CAST: variants seen among roughly 807,000 people sequenced by gnomAD.
CAST encodes calpastatin.
CAST carries 76 observed loss-of-function variants against 119.6 expected under a neutral mutation model. That is an observed-to-expected ratio of 0.64 (90% CI 0.53 to 0.77). The LOEUF is 0.77. CAST is among the 30% of genes least tolerant of loss of function. CAST has a pLI of 0.00. For missense variants in CAST, 953 were observed against 946.5 expected, an observed-to-expected ratio of 1.01 and a Z score of -0.09; for synonymous variants, 319 against 331.6, an observed-to-expected ratio of 0.96 and a Z score of 0.41.
At chr5:96,272,104 G>A in the CAST span, among the ~76,000 whole-genome samples, 1 of 151,890 alleles carries the variant, frequency 6.6e-6, no homozygotes, top group Non-Finnish European at 1.5e-5. Flanking sequence ...TAAAAAAGGG[G>A]GATAACGAAT....
chr5:96,621,051 A>C (rs1332126200), intron 1 of CAST, among the ~76,000 whole-genome samples: 1 of 152,136 alleles, frequency 6.6e-6, no homozygotes, highest in Admixed American at 6.5e-5. Context: ...CCCCTCCTTC[A>C]ACCTCCTCAC....
chr5:96,400,142 G>C, the CAST span: 1 of 1,614,168 alleles, frequency 6.2e-7, no homozygotes, highest in Non-Finnish European at 8.5e-7. Flanking sequence ...ATACTCAGAG[G>C]TCCAGACAAC....
At chr5:96,412,567 A>G in the CAST span, 3 of 1,319,670 alleles carry the variant, frequency 2.3e-6, no homozygotes, top group African/African-American at 2.9e-5. Flanking sequence ...TACTCTTACT[A>G]TTTGTATTTT....
chr5:96,599,499 G>A (rs538821627), intron 1 of CAST, among the ~76,000 whole-genome samples: 2 of 152,184 alleles, frequency 1.3e-5, no homozygotes, highest in African/African-American at 4.8e-5. Context: ...AATCTAATAA[G>A]AACCTGGAAG....
chr5:96,702,792 G>A (rs1382224283), intron 3 of CAST: 7 of 985,358 alleles, frequency 7.1e-6, no homozygotes, highest in Non-Finnish European at 8.4e-6. Flanking sequence ...GGACCGCCCC[G>A]CCCCGTCGCA....
the CAST span, among the ~76,000 whole-genome samples, chr5:96,088,905 A>C: frequency 1.3e-5 from 2 of 152,032 alleles, no homozygotes; most frequent in African/African-American, 4.8e-5. Flanking sequence ...TGGGATACCC[A>C]GGGGTGACTC....
At chr5:96,164,062 G>T in the CAST span, among the ~76,000 whole-genome samples, 1 of 152,104 alleles carries the variant, frequency 6.6e-6, no homozygotes, top group Non-Finnish European at 1.5e-5. Context: ...ACTAGTGCCT[G>T]ACTTCAATAG....
the CAST span, among the ~76,000 whole-genome samples, chr5:96,454,755 G>C: frequency 1.3e-5 from 2 of 152,216 alleles, no homozygotes; most frequent in African/African-American, 4.8e-5. Flanking sequence ...GCGGCTCATT[G>C]ATCTCTGAAT....
At chr5:96,490,430 A>C in the CAST span, among the ~76,000 whole-genome samples, 3 of 152,272 alleles carry the variant, frequency 2.0e-5, no homozygotes, top group African/African-American at 7.2e-5. Context: ...TGTGAAATGC[A>C]AAGGACTAAG....
the CAST span, among the ~76,000 whole-genome samples, chr5:96,467,805 C>T: frequency 3.3e-5 from 5 of 151,816 alleles, no homozygotes; most frequent in East Asian, 9.6e-4. Context: ...TTAGTACAAC[C>T]TCTATAAAAA....
the CAST span, among the ~76,000 whole-genome samples, chr5:96,236,313 C>T: frequency 4.6e-5 from 7 of 152,206 alleles, no homozygotes; most frequent in Non-Finnish European, 2.9e-5. Flanking sequence ...TTGCCAAACT[C>T]CTGGATTCTC....
At chr5:96,276,520 T>TA in the CAST span, among the ~76,000 whole-genome samples, 19 of 152,294 alleles carry the variant, frequency 1.2e-4, no homozygotes, top group East Asian at 7.7e-4. Context: ...TTGAAGATGG[T>TA]AAAAAAATGT....
chr5:96,399,812 G>T, the CAST span: 1 of 695,306 alleles, frequency 1.4e-6, no homozygotes, highest in Non-Finnish European at 2.6e-6. Context: ...AGTCCCCATG[G>T]ATACCCACAG....
the CAST span, among the ~76,000 whole-genome samples, chr5:96,376,786 A>G: frequency 6.6e-6 from 1 of 152,192 alleles, no homozygotes; most frequent in African/African-American, 2.4e-5. Context: ...TTCTACATAT[A>G]TATAAAAAGA....
At chr5:96,530,520 T>C (rs977609061) in intron 1 of CAST, among the ~76,000 whole-genome samples, 1 of 152,110 alleles carries the variant, frequency 6.6e-6, no homozygotes, top group Non-Finnish European at 1.5e-5. Context: ...CAATGCACAG[T>C]AGAGACCTGT....
the CAST span, among the ~76,000 whole-genome samples, chr5:96,184,788 C>T: frequency 1.3e-5 from 2 of 152,122 alleles, no homozygotes; most frequent in African/African-American, 2.4e-5. Flanking sequence ...CATGCCTTTG[C>T]TATTGTGAAT....
the CAST span, among the ~76,000 whole-genome samples, chr5:96,305,167 T>A: frequency 6.6e-6 from 1 of 152,208 alleles, no homozygotes; most frequent in Non-Finnish European, 1.5e-5. Flanking sequence ...GTCCTTCACA[T>A]CCCTTGTAAG....
chr5:96,747,431 T>C, intron 18 of CAST, 39 bp downstream of exon 18: 2 of 1,270,896 alleles, frequency 1.6e-6, no homozygotes, highest in East Asian at 2.3e-5. Context: ...TAAAGAACAA[T>C]AGACATGTAA....
At chr5:96,104,306 C>G in the CAST span, among the ~76,000 whole-genome samples, 33 of 151,528 alleles carry the variant, frequency 2.2e-4, no homozygotes, top group African/African-American at 4.3e-4. Context: ...TGAAGTCCTT[C>G]CCCATGCCTA....
Sources: allele counts gnomAD v4.1 joint callset (sites outside exome capture counted in the v4.1 genomes callset), GRCh38; gene constraint gnomAD v4.1.1; transcripts MANE v1.5; gene names NCBI Gene and HGNC (gene_info 2026-07-23, HGNC 2026-07-21).